KIF26B: variants seen among roughly 807,000 people sequenced by gnomAD.
KIF26B encodes kinesin family member 26B.
Under a neutral mutation model 151.2 loss-of-function variants are expected in KIF26B, and 63 were observed. That is an observed-to-expected ratio of 0.42 (90% CI 0.34 to 0.51). The LOEUF (loss-of-function observed/expected upper bound fraction) is 0.51, where lower values mean the gene tolerates loss of function less well. Among genes scored for constraint, KIF26B ranks in the 20% least tolerant of loss-of-function variants. The pLI is 0.07. For synonymous variants in KIF26B, 1,357 were observed against 1,262.1 expected (o/e 1.08, Z -1.59); for missense variants, 2,813 against 2,913.6 (o/e 0.97, Z 0.79).
At chr1:245,249,300 T>G (rs759078433) in intron 2 of KIF26B, among the ~76,000 whole-genome samples, 6 of 151,734 alleles carry the variant, frequency 4.0e-5, no homozygotes, top group Non-Finnish European at 8.8e-5. Context: ...AGGGTTTCAC[T>G]GTGTTAGCTG....
At chr1:245,535,079 G>A (rs1661461079) in intron 4 of KIF26B, among the ~76,000 whole-genome samples, 2 of 152,048 alleles carry the variant, frequency 1.3e-5, no homozygotes, top group Non-Finnish European at 2.9e-5. Context: ...CACTGCACCT[G>A]GCCGTCTTTA....
At chr1:245,392,386 G>A (rs1673722935) in intron 3 of KIF26B, among the ~76,000 whole-genome samples, 1 of 152,232 alleles carries the variant, frequency 6.6e-6, no homozygotes, top group African/African-American at 2.4e-5. Flanking sequence ...CAGCTGAGCT[G>A]TGTAATGTGG....
rs913911716 is a variant in KIF26B, at chr1:245,606,965, C to T, written c.1558-686C>T. ...CCTGTAATCCCAGCTACTCGGGAGGCTGAGGCAAGAGAATCACTTGAGCCC... is the reference window on the plus strand; with the variant it reads ...CCTGTAATCCCAGCTACTCGGGAGGTTGAGGCAAGAGAATCACTTGAGCCC... On this transcript the variant is annotated intron_variant, in intron 6 of 14. Transcript: ENST00000407071. This position sits in a 1 kb window ranked among gnomAD's most constrained non-coding sequence, Gnocchi z 4.6. Among the ~76,000 whole-genome samples, 1 of 149,280 alleles carries T rather than the reference C, an allele frequency of 6.7e-6. No individual in the cohort carries two copies.
At chr1:245,222,424 T>A (rs545750274) in intron 2 of KIF26B, among the ~76,000 whole-genome samples, 38 of 152,020 alleles carry the variant, frequency 2.5e-4, no homozygotes, top group African/African-American at 8.7e-4. Context: ...GTGACTAGAG[T>A]GAGACTCCAT....
At chr1:245,268,463 C>CA (rs989974219) in intron 2 of KIF26B, among the ~76,000 whole-genome samples, 2 of 139,768 alleles carry the variant, frequency 1.4e-5, no homozygotes, top group African/African-American at 5.4e-5. Context: ...AGCGAGACTC[C>CA]ATCTCCAAAT....
intron 2 of KIF26B, among the ~76,000 whole-genome samples, chr1:245,225,337 A>G (rs1669852434): frequency 6.6e-6 from 1 of 152,208 alleles, no homozygotes; most frequent in East Asian, 1.9e-4. Context: ...TTCCCATAGT[A>G]TTAGTATCTG....
intron 10 of KIF26B, among the ~76,000 whole-genome samples, chr1:245,679,502 TCTGTCACCCAGG>T (rs1429398779): frequency 1.5e-5 from 2 of 135,580 alleles, no homozygotes; most frequent in Non-Finnish European, 3.1e-5. Flanking sequence ...AAGGTCTTGC[TCTGTCACCCAGG>T]CTGGAGTGCA....
chr1:245,693,516 C>A (rs766419788), intron 12 of KIF26B, among the ~76,000 whole-genome samples: 1 of 152,170 alleles, frequency 6.6e-6, no homozygotes, highest in Non-Finnish European at 1.5e-5. Context: ...CCTGCTGGTG[C>A]TAAGTGCTTT....
intron 2 of KIF26B, among the ~76,000 whole-genome samples, chr1:245,271,199 T>C (rs942531906): frequency 1.3e-5 from 2 of 152,192 alleles, no homozygotes; most frequent in Non-Finnish European, 2.9e-5. Flanking sequence ...AATTCTAGCT[T>C]TGTTCTTTTT....
At position 245,367,007 on chromosome 1, in the gene KIF26B, C is replaced by A. The variant is rs200867304; in HGVS notation, c.639C>A (p.His213Gln). 2 of 1,613,314 alleles carry A rather than the reference C, an allele frequency of 1.2e-6. No homozygotes were observed. Among genetic ancestry groups the A allele is most frequent in the African/African-American group, 2.7e-5 (2 of 75,054 alleles). The change falls in exon 3 of 15, where the codon CAC becomes CAA. Residue 213 changes from histidine to glutamine, a missense_variant. Physicochemically the swap from His to Gln is conservative, Grantham distance 24. Transcript: ENST00000407071. This position sits in a 1 kb window ranked among gnomAD's most constrained non-coding sequence, Gnocchi z 4.2. ...TGGAGCAGGCAGCCGGCAGTGAGCA[C>A]TACGACGCCTCGCCCTGCTCCCCGC... Reference protein sequence around the residue: ...LTLEQAAGSEHYDASPCSPPP... With the variant: ...LTLEQAAGSEQYDASPCSPPP...
intron 2 of KIF26B, among the ~76,000 whole-genome samples, chr1:245,193,770 C>T (rs1429557131): frequency 6.6e-6 from 1 of 152,170 alleles, no homozygotes; most frequent in Non-Finnish European, 1.5e-5. Context: ...CCAGAGCGTC[C>T]CTCCACTGCG....
intron 3 of KIF26B, among the ~76,000 whole-genome samples, chr1:245,402,633 C>A (rs1318284992): frequency 1.3e-5 from 2 of 151,980 alleles, no homozygotes; most frequent in Non-Finnish European, 2.9e-5. Context: ...ACGCAGGGGA[C>A]AATAGCAAGA....
intron 5 of KIF26B, among the ~76,000 whole-genome samples, chr1:245,590,408 C>T (rs2043275890): frequency 1.3e-5 from 2 of 152,220 alleles, no homozygotes; most frequent in Admixed American, 1.3e-4. Flanking sequence ...AATTAAGGAG[C>T]GTCCACTGCT....
At chr1:245,276,836 C>A (rs1448034471) in intron 2 of KIF26B, among the ~76,000 whole-genome samples, 1 of 152,150 alleles carries the variant, frequency 6.6e-6, no homozygotes, top group African/African-American at 2.4e-5. Flanking sequence ...CAAAGAGGGT[C>A]TTGCAGTTCC....
intron 9 of KIF26B, among the ~76,000 whole-genome samples, chr1:245,640,316 T>TTTTTGGTTTCCATTTGTATGGAATGC (rs1274089928): frequency 6.6e-6 from 1 of 151,372 alleles, no homozygotes; most frequent in African/African-American, 2.4e-5. Context: ...GTCTTGATCA[T>TTTTTGGTTTCCATTTGTATGGAATGC]TTTTGGTTTC....
chr1:245,685,637 G>A lies in KIF26B; in HGVS notation c.2654G>A (p.Gly885Asp). The A allele has an allele frequency of 1.2e-6, 2 of 1,613,306 alleles. No homozygotes were observed. Among genetic ancestry groups the A allele is most frequent in the Non-Finnish European group, 1.7e-6 (2 of 1,179,748 alleles). ...GACAAGGAGCTCACCGACAACGAGG[G>A]CCCCCCAGACTTTGTCCCTATCGTG... is the stretch of plus-strand genomic sequence containing the variant. ...LSDKELTDNE[G>D]PPDFVPIVPA... Residue 885 changes from glycine to aspartate, a missense_variant, in exon 12 of 15, where the codon GGC becomes GAC. By Grantham distance (94) the Gly-to-Asp change is moderately conservative. Around this residue, in one of 3 missense-constraint regions of KIF26B, gnomAD observed 2,060 missense variants for 2,088.6 expected, o/e 0.99. Transcript: ENST00000407071.
chr1:245,293,223 T>G (rs550506271), intron 2 of KIF26B, among the ~76,000 whole-genome samples: 134 of 152,080 alleles, frequency 8.8e-4, no homozygotes, highest in Non-Finnish European at 1.5e-3. Context: ...TTGTTTTTGC[T>G]TGGCAATGTC....
At chr1:245,459,434 G>C (rs993898737) in intron 4 of KIF26B, among the ~76,000 whole-genome samples, 2 of 152,158 alleles carry the variant, frequency 1.3e-5, no homozygotes, top group Non-Finnish European at 2.9e-5. Context: ...CCTGCCTGCA[G>C]ACCAGGGGTT....
At chr1:245,184,050 G>GTTCTTTTTTTTT (rs1553332271) in intron 2 of KIF26B, among the ~76,000 whole-genome samples, 1 of 19,804 alleles carries the variant, frequency 5.0e-5, no homozygotes, top group African/African-American at 1.5e-4. Context: ...GGGAGTTGTT[G>GTTCTTTTTTTTT]TTTTTTTTTT....
Sources: gnomAD v4.1 joint callset for allele counts (sites outside exome capture counted in the v4.1 genomes callset) on GRCh38, gnomAD v4.1.1 for gene constraint, gnomAD v4.1.1 regional missense constraint, Gnocchi (gnomAD v3.1) non-coding constraint, MANE v1.5 for transcripts, NCBI Gene and HGNC (gene_info 2026-07-23, HGNC 2026-07-21) for gene names.